The following MGLL variants were observed in gnomAD, a reference collection of about 807,000 sequenced individuals.
The protein encoded by MGLL is monoglyceride lipase.
MGLL carries 7 observed loss-of-function variants against 29.1 expected under a neutral mutation model. The observed-to-expected ratio is 0.24, with a 90% CI of 0.14 to 0.45. The LOEUF (loss-of-function observed/expected upper bound fraction) is 0.45, where lower values mean the gene tolerates loss of function less well. Ranked by LOEUF, MGLL falls within the 20% of genes least tolerant of loss-of-function variation. The pLI is 0.99. For missense variants in MGLL, 356 were observed against 413.6 expected, an observed-to-expected ratio of 0.86 and a Z score of 1.21; for synonymous variants, 148 against 168.3, an observed-to-expected ratio of 0.88 and a Z score of 0.93.
rs148002634 is a variant in MGLL, at chr3:127,777,781, C to T, written c.262+4008G>A. On this transcript the variant is annotated intron_variant, in intron 3 of 7. Coordinates refer to ENST00000265052, the MANE Select transcript of MGLL (RefSeq NM_007283.7). ...ATGAGAATGGATCTGCTTGAATATA[C>T]AGCCACACGTTCCTCACTTATAAAA... is the stretch of plus-strand genomic sequence containing the variant. 1.5e-3 allele frequency among the ~76,000 whole-genome samples: 223 copies of T among 152,332 alleles called. 2 individuals carry two copies. Among genetic ancestry groups the T allele is most frequent in the African/African-American group, 5.3e-3 (220 of 41,562 alleles).
chr3:127,717,294 A>T (rs1453248349), intron 5 of MGLL, among the ~76,000 whole-genome samples: 1 of 152,168 alleles, frequency 6.6e-6, no homozygotes, highest in Non-Finnish European at 1.5e-5. Flanking sequence ...GATGAGTGAC[A>T]TTCAGATGGG....
At chr3:127,717,016 T>G (rs528971149) in intron 5 of MGLL, among the ~76,000 whole-genome samples, 1 of 152,276 alleles carries the variant, frequency 6.6e-6, no homozygotes, top group Non-Finnish European at 1.5e-5. Context: ...GGAGGCTTGC[T>G]AGGAAGACAG....
At chr3:127,724,612 G>A (rs1259569727) in intron 3 of MGLL, among the ~76,000 whole-genome samples, 2 of 152,286 alleles carry the variant, frequency 1.3e-5, no homozygotes, top group African/African-American at 4.8e-5. Context: ...TGGTGATTCT[G>A]TGTTGAATTT....
At position 127,777,373 on chromosome 3, in the gene MGLL, G is replaced by C. The variant is rs1026659720; in HGVS notation, c.262+4416C>G. ...GCCATCAGCAATGTCCATTCTCTGTGTCTACCTTACCAACAGAAGTTTCTG... is the reference window on the plus strand; with the variant it reads ...GCCATCAGCAATGTCCATTCTCTGTCTCTACCTTACCAACAGAAGTTTCTG... On this transcript the variant is annotated intron_variant, in intron 3 of 7. Transcript: ENST00000265052. Among the ~76,000 whole-genome samples, 4 of 152,208 alleles carry C rather than the reference G, an allele frequency of 2.6e-5. No homozygotes were observed. In the East Asian group the frequency reaches 5.8e-4, roughly 22 times the overall value.
chr3:127,745,274 C>T (rs1438824546), intron 3 of MGLL, among the ~76,000 whole-genome samples: 3 of 152,218 alleles, frequency 2.0e-5, no homozygotes, highest in African/African-American at 7.2e-5. Context: ...ACCTTTCATG[C>T]TTAGTTCTTG....
intron 3 of MGLL, among the ~76,000 whole-genome samples, chr3:127,745,387 T>A (rs1576539177): frequency 6.6e-6 from 1 of 152,212 alleles, no homozygotes; most frequent in African/African-American, 2.4e-5. Context: ...TGAAATCCTG[T>A]CATTTGCAAC....
intron 2 of MGLL, among the ~76,000 whole-genome samples, chr3:127,797,486 C>A (rs112035118): frequency 1.5e-3 from 235 of 152,308 alleles, no homozygotes; most frequent in African/African-American, 5.3e-3. Flanking sequence ...AGGTTGAACA[C>A]AATCCTTTTA....
chr3:127,760,514 G>C (rs2076743587), intron 3 of MGLL, among the ~76,000 whole-genome samples: 1 of 152,272 alleles, frequency 6.6e-6, no homozygotes, highest in Non-Finnish European at 1.5e-5. Flanking sequence ...CTGGGAGTCA[G>C]AGCATCTTCT....
intron 2 of MGLL, among the ~76,000 whole-genome samples, chr3:127,812,446 T>C (rs903245147): frequency 1.2e-4 from 18 of 151,988 alleles, no homozygotes; most frequent in African/African-American, 4.3e-4. Flanking sequence ...TGAGTTTCAT[T>C]TGAAGAAACA....
At chr3:127,776,906 A>C (rs1205014106) in intron 3 of MGLL, among the ~76,000 whole-genome samples, 1 of 152,126 alleles carries the variant, frequency 6.6e-6, no homozygotes, top group African/African-American at 2.4e-5. Flanking sequence ...GTCTTGGGGG[A>C]GGGAGAGGAG....
intron 3 of MGLL, among the ~76,000 whole-genome samples, chr3:127,779,395 A>G (rs1335036428): frequency 1.3e-5 from 2 of 152,184 alleles, no homozygotes; most frequent in African/African-American, 4.8e-5. Flanking sequence ...AAAATAAAAT[A>G]AAAGCTATGT....
chr3:127,760,116 G>A (rs1416181685), intron 3 of MGLL, among the ~76,000 whole-genome samples: 4 of 152,200 alleles, frequency 2.6e-5, no homozygotes, highest in Non-Finnish European at 2.9e-5. Context: ...GAAAGATGAC[G>A]GGAGGGAAGG....
At chr3:127,807,703 T>TGTTTTCTGA (rs1464307509) in intron 2 of MGLL, among the ~76,000 whole-genome samples, 2 of 151,274 alleles carry the variant, frequency 1.3e-5, no homozygotes, top group Non-Finnish European at 2.9e-5. Context: ...CATTTTATGA[T>TGTTTTCTGA]GTTTTCTGAC....
At chr3:127,723,922 G>T (rs183116472) in intron 3 of MGLL, among the ~76,000 whole-genome samples, 3 of 152,292 alleles carry the variant, frequency 2.0e-5, no homozygotes, top group Non-Finnish European at 4.4e-5. Flanking sequence ...AGTTAAATGA[G>T]GTCCTTAGGG....
chr3:127,701,231 A>AAAAAAAAAC, intron 6 of MGLL, among the ~76,000 whole-genome samples: 1 of 150,980 alleles, frequency 6.6e-6, no homozygotes, highest in Non-Finnish European at 1.5e-5. Flanking sequence ...AAAAAAAAAA[A>AAAAAAAAAC]AAGCCACCAC....
intron 2 of MGLL, among the ~76,000 whole-genome samples, chr3:127,815,782 G>A (rs1017859811): frequency 1.8e-4 from 27 of 152,214 alleles, no homozygotes; most frequent in African/African-American, 6.0e-4. Flanking sequence ...AAGGCTCTGC[G>A]TGGCATAGCA....
intron 3 of MGLL, among the ~76,000 whole-genome samples, chr3:127,746,955 C>T (rs2076457491): frequency 6.6e-6 from 1 of 152,192 alleles, no homozygotes; most frequent in Non-Finnish European, 1.5e-5. Context: ...GGCTCCCAGA[C>T]TCCTGAACCT....
chr3:127,752,484 A>G (rs1244091471), intron 3 of MGLL, among the ~76,000 whole-genome samples: 1 of 152,102 alleles, frequency 6.6e-6, no homozygotes, highest in Non-Finnish European at 1.5e-5. Flanking sequence ...AGGCCTTTCC[A>G]TAGCCAGAAT....
At chr3:127,783,476 A>G (rs1187498193) in intron 2 of MGLL, among the ~76,000 whole-genome samples, 4 of 152,310 alleles carry the variant, frequency 2.6e-5, no homozygotes, top group Non-Finnish European at 4.4e-5. Context: ...ACTGGACCCC[A>G]GAGCTGTATC....
Sources: allele counts gnomAD v4.1 joint callset (sites outside exome capture counted in the v4.1 genomes callset), GRCh38; gene constraint gnomAD v4.1.1; transcripts MANE v1.5; gene names NCBI Gene and HGNC (gene_info 2026-07-23, HGNC 2026-07-21).